Variants in TSHR observed in about 807,000 individuals in gnomAD.
The protein encoded by TSHR is thyroid stimulating hormone receptor.
TSHR carries 51 observed loss-of-function variants against 64.1 expected under a neutral mutation model. The ratio of observed to expected loss-of-function variants is 0.80; its 90% CI spans 0.64 to 1.01. TSHR has a LOEUF of 1.01. TSHR is among the 50% of genes least tolerant of loss of function. The probability of loss-of-function intolerance (pLI) is 0.00; values close to 1 mark genes in which losing one functional copy is unlikely to be tolerated. For synonymous variants in TSHR, 361 were observed against 361.9 expected (o/e 1.00, Z 0.03); for missense variants, 877 against 942.8 (o/e 0.93, Z 0.91).
intron 8 of TSHR, among the ~76,000 whole-genome samples, chr14:81,120,220 C>A (rs929014491): frequency 1.3e-5 from 2 of 152,052 alleles, no homozygotes; most frequent in Admixed American, 1.3e-4. Flanking sequence ...CACTGATAGT[C>A]TCCCAAAGTC....
intron 1 of TSHR, chr14:81,012,642 G>A (rs1311439332): frequency 1.3e-5 from 2 of 152,158 alleles, no homozygotes. Flanking sequence ...TCTAACTGGT[G>A]TGAGATGGTA....
At chr14:81,101,000 C>T (rs1595114528) in intron 7 of TSHR, among the ~76,000 whole-genome samples, 1 of 152,306 alleles carries the variant, frequency 6.6e-6, no homozygotes, top group East Asian at 1.9e-4. Flanking sequence ...AAGTCCAACC[C>T]TCTAATTATT....
At chr14:81,023,878 T>A (rs1226060462) in intron 1 of TSHR, among the ~76,000 whole-genome samples, 3 of 152,342 alleles carry the variant, frequency 2.0e-5, no homozygotes, top group Non-Finnish European at 2.9e-5. Context: ...TTTTTCTTAC[T>A]AATAAATGTC....
chr14:80,969,805 G>A (rs866213573), intron 1 of TSHR, among the ~76,000 whole-genome samples: 3 of 152,130 alleles, frequency 2.0e-5, no homozygotes. Flanking sequence ...GAGACACAAA[G>A]GTCCACAGAA....
chr14:81,006,101 T>A (rs955714556), intron 1 of TSHR, among the ~76,000 whole-genome samples: 1 of 152,202 alleles, frequency 6.6e-6, no homozygotes, highest in Non-Finnish European at 1.5e-5. Context: ...TTGGGCTTCA[T>A]GCCTTTAAAA....
intron 1 of TSHR, among the ~76,000 whole-genome samples, chr14:80,957,407 A>T (rs1271755825): frequency 1.3e-5 from 2 of 152,124 alleles, no homozygotes; most frequent in African/African-American, 4.8e-5. Flanking sequence ...TAACATAGGG[A>T]ACTGCCATTC....
rs564547184 is a variant in TSHR at position 81,080,571 on chromosome 14, T to G, written c.318-7383T>G. On this transcript the variant is annotated intron_variant, in intron 3 of 9. Coordinates refer to ENST00000298171, the MANE Select transcript of TSHR (RefSeq NM_000369.5). ...GAATACTTATAAACTCTCCTCAATA[T>G]CTCTTATTTTTAATTTCTCAATACA... Among the ~76,000 whole-genome samples, 659 of 151,248 alleles carry G rather than the reference T, an allele frequency of 4.4e-3. 8 individuals are homozygous for G. Among genetic ancestry groups the G allele is most frequent in the Middle Eastern group, 0.041 (12 of 294 alleles).
chr14:81,096,762 C>T (rs137859413), intron 7 of TSHR, 55 bp downstream of exon 7: 13 of 1,562,702 alleles, frequency 8.3e-6, no homozygotes, highest in Non-Finnish European at 9.7e-6. Flanking sequence ...AAGAACCATC[C>T]AATGGGGCAG....
chr14:81,086,244 T>A (rs1888275607), intron 3 of TSHR, among the ~76,000 whole-genome samples: 1 of 152,226 alleles, frequency 6.6e-6, no homozygotes, highest in South Asian at 2.1e-4. Flanking sequence ...ATTGTAGTTA[T>A]GTTAATGAGG....
chr14:81,083,765 G>C (rs1468975557), intron 3 of TSHR, among the ~76,000 whole-genome samples: 1 of 152,190 alleles, frequency 6.6e-6, no homozygotes, highest in Non-Finnish European at 1.5e-5. Flanking sequence ...CTGAGACTGG[G>C]TAATTTATAA....
At chr14:81,074,034 C>T (rs774235469) in intron 3 of TSHR, among the ~76,000 whole-genome samples, 8 of 152,040 alleles carry the variant, frequency 5.3e-5, no homozygotes, top group South Asian at 2.1e-4. Flanking sequence ...GATCTTTTTC[C>T]TCACAAAGAT....
At chr14:81,056,502 C>A (rs994749375) in intron 1 of TSHR, among the ~76,000 whole-genome samples, 1 of 151,854 alleles carries the variant, frequency 6.6e-6, no homozygotes, top group Non-Finnish European at 1.5e-5. Context: ...TCTCACTGGG[C>A]GTAAAGTATG....
At chr14:81,047,680 T>TC (rs1187294364) in intron 1 of TSHR, among the ~76,000 whole-genome samples, 162 of 151,570 alleles carry the variant, frequency 1.1e-3, no homozygotes, top group African/African-American at 3.8e-3. Flanking sequence ...TTTTTTTTTT[T>TC]TGAGACAGTC....
At chr14:81,115,483 A>C (rs1890457344) in intron 8 of TSHR, among the ~76,000 whole-genome samples, 1 of 145,010 alleles carries the variant, frequency 6.9e-6, no homozygotes, top group Non-Finnish European at 1.5e-5. Context: ...TTAGAGAAAA[A>C]AGAATGAAAA....
intron 7 of TSHR, chr14:81,106,938 CAAAAAAAAAAA>C (rs5810011): frequency 9.1e-6 from 1 of 109,404 alleles, no homozygotes; most frequent in Non-Finnish European, 1.9e-5. Flanking sequence ...GACTCCATCT[CAAAAAAAAAAA>C]AAAAAAGAAG....
intron 7 of TSHR, chr14:81,104,765 T>C (rs1889791448): frequency 1.0e-6 from 1 of 985,314 alleles, no homozygotes; most frequent in Admixed American, 6.2e-5. Flanking sequence ...CTATTCACAA[T>C]CTTAAATCAG....
At chr14:81,036,334 GAGAGA>G (rs1884623512) in intron 1 of TSHR, among the ~76,000 whole-genome samples, 2 of 152,134 alleles carry the variant, frequency 1.3e-5, no homozygotes. Context: ...CAAAAGCAGT[GAGAGA>G]AGAGAATCAA....
In TSHR at chr14:81,139,814, C is replaced by A; in HGVS notation, c.828C>A (p.Asp276Glu). The A allele has an allele frequency of 6.2e-7, 1 of 1,614,234 alleles. No individual in the cohort carries two copies. The highest frequency in any genetic ancestry group is 8.5e-7 in the Non-Finnish European group (1 of 1,180,054). ...SLSFLHLTRA[D>E]LSYPSHCCAF... Reference sequence around the variant, plus strand: ...GTTTCCTTCACCTCACACGGGCTGACCTTTCTTACCCAAGCCACTGCTGTG... The same window carrying A: ...GTTTCCTTCACCTCACACGGGCTGAACTTTCTTACCCAAGCCACTGCTGTG... Residue 276 changes from aspartate to glutamate, a missense_variant, in exon 9 of 10, where the codon GAC (aspartate) becomes GAA (glutamate). Asp to Glu is a conservative substitution (Grantham distance 45, BLOSUM62 2). Transcript: ENST00000298171.
rs1304407093 is a variant in TSHR at position 81,143,814 on chromosome 14, G to C, written c.1756G>C (p.Val586Leu). The change falls in exon 10 of 10, where the codon GTT becomes CTT. Residue 586 changes from valine (V) to leucine (L), a missense_variant. Physicochemically the swap from Val to Leu is conservative, Grantham distance 32. Coordinates refer to ENST00000298171, the MANE Select transcript of TSHR (RefSeq NM_000369.5). Reference sequence around the variant, plus strand: ...TCTTGCTCTGGCATATATTGTTTTTGTTCTGACGCTCAACATAGTTGCCTT... The same window carrying C: ...TCTTGCTCTGGCATATATTGTTTTTCTTCTGACGCTCAACATAGTTGCCTT... ...TPLALAYIVF[V>L]LTLNIVAFVI... The C allele has an allele frequency of 1.9e-6, 3 of 1,613,756 alleles. No homozygotes were observed. The Admixed American group carries it at 5.0e-5, about 27-fold the overall frequency.
Sources: allele counts gnomAD v4.1 joint callset (sites outside exome capture counted in the v4.1 genomes callset), GRCh38; gene constraint gnomAD v4.1.1; transcripts MANE v1.5; gene names NCBI Gene and HGNC (gene_info 2026-07-23, HGNC 2026-07-21).